Variants in ABCA4 observed in about 807,000 individuals in gnomAD.
The protein encoded by ABCA4 is ATP binding cassette subfamily A member 4.
Under a neutral mutation model 263.7 loss-of-function variants are expected in ABCA4, and 196 were observed. The observed-to-expected ratio is 0.74, with a 90% CI of 0.66 to 0.84. The LOEUF (loss-of-function observed/expected upper bound fraction) is 0.84, where lower values mean the gene tolerates loss of function less well. Ranked by LOEUF, ABCA4 falls within the 40% of genes least tolerant of loss-of-function variation. The probability of loss-of-function intolerance (pLI) is 0.00; values close to 1 mark genes in which losing one functional copy is unlikely to be tolerated. For missense variants in ABCA4, 2,792 were observed against 2,855.1 expected (o/e 0.98, Z 0.50); for synonymous variants, 1,133 against 1,094.2 (o/e 1.04, Z -0.70).
intron 35 of ABCA4, among the ~76,000 whole-genome samples, chr1:94,020,272 CTATT>C (rs1659860517): frequency 6.6e-6 from 1 of 152,144 alleles, no homozygotes; most frequent in Non-Finnish European, 1.5e-5. Context: ...GGACTTGGCT[CTATT>C]TATTCTTTCC....
At chr1:94,089,144 T>A (rs113229357) in intron 6 of ABCA4, among the ~76,000 whole-genome samples, 3 of 152,248 alleles carry the variant, frequency 2.0e-5, no homozygotes, top group African/African-American at 7.2e-5. Context: ...GATCTCTGTC[T>A]ATCTATAGGT....
At position 94,063,157 on chromosome 1, in the gene ABCA4, C is replaced by T. The variant is rs61748559; in HGVS notation, c.1715G>A (p.Arg572Gln). Residue 572 changes from arginine to glutamine, a missense_variant, in exon 12 of 50, where the codon CGA becomes CAA. Coordinates refer to ENST00000370225, the MANE Select transcript of ABCA4 (RefSeq NM_000350.3). ...SLPPHVKYKIRMDIDVVEKTN... is the reference protein window; with the variant it reads ...SLPPHVKYKIQMDIDVVEKTN... ...TTTCTCCACCACGTCTATGTCCATT[C>T]GGATCTTATACTTCACGTGGGGTGG... 4.8e-5 allele frequency: 78 copies of T among 1,614,116 alleles called. No individual in the cohort carries two copies. The highest frequency in any genetic ancestry group is 5.3e-5 in the Non-Finnish European group (63 of 1,180,016).
At chr1:94,022,151 G>C (rs1216773278) in intron 32 of ABCA4, among the ~76,000 whole-genome samples, 200 bp from the exon 33 acceptor site, 2 of 152,144 alleles carry the variant, frequency 1.3e-5, no homozygotes, top group East Asian at 3.9e-4. Context: ...CCCTCATCCT[G>C]GCCTCTGAGG....
In ABCA4 at chr1:94,098,259, G is replaced by T. The variant is rs187087627; in HGVS notation, c.768+535C>A. ...TTGAGACTATGAAACTTTCTCTGTC[G>T]TTTTTTCTCTCTAGAAACACCAACC... is the stretch of plus-strand genomic sequence containing the variant. On this transcript the variant is annotated intron_variant, in intron 6 of 49. Coordinates refer to ENST00000370225, the MANE Select transcript of ABCA4 (RefSeq NM_000350.3). Among the ~76,000 whole-genome samples, 1,062 of 152,254 alleles carry T rather than the reference G, an allele frequency of 7.0e-3. 12 individuals carry two copies. Among genetic ancestry groups the T allele is most frequent in the African/African-American group, 0.024 (990 of 41,540 alleles).
rs1484744352 is a variant in ABCA4, at chr1:94,007,747, G to C, written c.5899-7C>G. The C allele has an allele frequency of 6.2e-7, 1 of 1,611,322 alleles. No homozygotes were observed. The highest frequency in any genetic ancestry group is 1.1e-5 in the South Asian group (1 of 91,026). ...CTCCCAGGAGGCCAAAGCACTAGGA[G>C]AAAACACAGAGCTAGCCTGGCCCTA... is the stretch of plus-strand genomic sequence containing the variant. On this transcript the variant is annotated splice_region_variant and splice_polypyrimidine_tract_variant and intron_variant, in intron 42 of 49. Coordinates refer to ENST00000370225, the MANE Select transcript of ABCA4 (RefSeq NM_000350.3).
chr1:94,109,921 G>A (rs948988782), intron 3 of ABCA4, among the ~76,000 whole-genome samples: 5 of 152,176 alleles, frequency 3.3e-5, no homozygotes, highest in African/African-American at 1.2e-4. Context: ...CAAATGCCAA[G>A]TACAGCTAGA....
intron 3 of ABCA4, among the ~76,000 whole-genome samples, chr1:94,110,665 G>A (rs1662577248): frequency 1.3e-5 from 2 of 152,138 alleles, no homozygotes; most frequent in African/African-American, 4.8e-5. Context: ...GCTCTGAAAG[G>A]GAATTCCGAA....
At chr1:93,993,896 C>T (rs898742714) in intron 49 of ABCA4, among the ~76,000 whole-genome samples, 3 of 151,958 alleles carry the variant, frequency 2.0e-5, no homozygotes, top group Non-Finnish European at 2.9e-5. Flanking sequence ...GTAGTGTGGG[C>T]GAGGAGGGGA....
chr1:94,092,287 T>C (rs1557800807), intron 6 of ABCA4, among the ~76,000 whole-genome samples: 1 of 152,260 alleles, frequency 6.6e-6, no homozygotes, highest in South Asian at 2.1e-4. Flanking sequence ...TGAAAAGCAG[T>C]TGAAGCAGTG....
chr1:94,051,308 A>G (rs1177871293), intron 17 of ABCA4, among the ~76,000 whole-genome samples: 2 of 152,258 alleles, frequency 1.3e-5, no homozygotes, highest in African/African-American at 2.4e-5. Context: ...TTTCTGCTTT[A>G]TACTGAAAAG....
chr1:94,109,074 C>T (rs2101157079), intron 3 of ABCA4, among the ~76,000 whole-genome samples: 1 of 152,308 alleles, frequency 6.6e-6, no homozygotes, highest in Non-Finnish European at 1.5e-5. Flanking sequence ...GCTTGGCCAT[C>T]TCATGCTATA....
intron 6 of ABCA4, among the ~76,000 whole-genome samples, chr1:94,086,798 G>A (rs1324742079): frequency 6.6e-6 from 1 of 152,148 alleles, no homozygotes; most frequent in African/African-American, 2.4e-5. Flanking sequence ...AGCACTTGGA[G>A]AACACCCTGC....
In ABCA4 at chr1:94,001,993, C is replaced by A. The variant is rs1659201632; in HGVS notation, c.6148-1G>T. The A allele has an allele frequency of 6.2e-7, 1 of 1,614,168 alleles. No individual in the cohort carries two copies. Among genetic ancestry groups the A allele is most frequent in the Non-Finnish European group, 8.5e-7 (1 of 1,180,014 alleles). Reference sequence around the variant, plus strand: ...GGCTCTTAATACTCCAGTTTGCAACCTAGGGAAGAGAAAGAAATGCCATTT... The same window carrying A: ...GGCTCTTAATACTCCAGTTTGCAACATAGGGAAGAGAAAGAAATGCCATTT... On this transcript the variant is annotated splice_acceptor_variant, in intron 44 of 49. Coordinates refer to ENST00000370225, the MANE Select transcript of ABCA4 (RefSeq NM_000350.3). LOFTEE classifies it high-confidence loss of function.
chr1:94,045,879 T>C lies in ABCA4; in HGVS notation c.2918+1040A>G, dbSNP rs146835972. ...TGCCCCCTGCGAGGTCCGTGTCTGC[T>C]GCTCCTTGGGAAACCATGGCGGGCC... On this transcript the variant is annotated intron_variant, in intron 19 of 49. Transcript: ENST00000370225. The C allele has an allele frequency of 5.4e-4, 248 of 456,298 alleles. 2 individuals carry two copies. The East Asian group carries it at 0.014, about 26-fold the overall frequency. The allele number at this position is 456,298 out of a possible 1,614,324, so 28.3% of individuals were successfully genotyped here.
At chr1:94,047,310 T>C (rs1167575892) in intron 18 of ABCA4, among the ~76,000 whole-genome samples, 2 of 152,224 alleles carry the variant, frequency 1.3e-5, no homozygotes, top group Non-Finnish European at 2.9e-5. Flanking sequence ...TCGACTGCTT[T>C]ACACAAATTA....
At chr1:93,996,402 G>C (rs970175483) in intron 48 of ABCA4, among the ~76,000 whole-genome samples, 1 of 152,204 alleles carries the variant, frequency 6.6e-6, no homozygotes, top group Non-Finnish European at 1.5e-5. Context: ...CTAGACTCCT[G>C]AGTGATGCCA....
rs61753030 is a variant in ABCA4 at position 94,014,542 on chromosome 1, C to G, written c.5460+1G>C. The G allele has an allele frequency of 6.2e-7, 1 of 1,614,216 alleles. No homozygotes were observed. Among genetic ancestry groups the G allele is most frequent in the Non-Finnish European group, 8.5e-7 (1 of 1,180,042 alleles). On this transcript the variant is annotated splice_donor_variant, in intron 38 of 49. Coordinates refer to ENST00000370225, the MANE Select transcript of ABCA4 (RefSeq NM_000350.3). LOFTEE classifies it high-confidence loss of function. ...AAAAAAGCCAAGAAAGTTATGCTCA[C>G]CCGGTTATTCTCAAATAATTCCAAG...
At chr1:94,001,636 T>G (rs1659185975) in intron 45 of ABCA4, 2 of 708,226 alleles carry the variant, frequency 2.8e-6, no homozygotes, top group Non-Finnish European at 5.0e-6. Flanking sequence ...GAACGCAGGA[T>G]GTGCGCAGTC....
At position 94,002,001 on chromosome 1, in the gene ABCA4, G is replaced by A; in HGVS notation, c.6148-9C>T. On this transcript the variant is annotated splice_polypyrimidine_tract_variant and intron_variant, in intron 44 of 49. Coordinates refer to ENST00000370225, the MANE Select transcript of ABCA4 (RefSeq NM_000350.3). ...ATACTCCAGTTTGCAACCTAGGGAAGAGAAAGAAATGCCATTTGGAGAAGA... is the reference window on the plus strand; with the variant it reads ...ATACTCCAGTTTGCAACCTAGGGAAAAGAAAGAAATGCCATTTGGAGAAGA... 6.2e-7 allele frequency: 1 copy of A among 1,614,192 alleles called. No individual in the cohort carries two copies. The highest frequency in any genetic ancestry group is 1.6e-4 in the Middle Eastern group (1 of 6,062).
Sources: allele counts gnomAD v4.1 joint callset (sites outside exome capture counted in the v4.1 genomes callset), GRCh38; gene constraint gnomAD v4.1.1; transcripts MANE v1.5; gene names NCBI Gene and HGNC (gene_info 2026-07-23, HGNC 2026-07-21).